Variants in CCDC160 observed in about 807,000 individuals in gnomAD.
CCDC160 encodes the protein coiled-coil domain-containing protein 160.
For synonymous variants in CCDC160, 94 were observed against 79.4 expected, an observed-to-expected ratio of 1.18 and a Z score of -0.98; for missense variants, 227 against 215.6, an observed-to-expected ratio of 1.05 and a Z score of -0.33.
intron 1 of CCDC160, among the ~76,000 whole-genome samples, 191 bp downstream of exon 1, chrX:134,237,534 G>T (rs971201063): frequency 1.8e-5 from 2 of 111,884 alleles, no homozygotes; most frequent in African/African-American, 6.5e-5. Flanking sequence ...GGACCAGGAC[G>T]TGGGAGTGGC....
intron 1 of CCDC160, among the ~76,000 whole-genome samples, 197 bp from the exon 3 acceptor site, chrX:134,244,580 G>A (rs1413031763): frequency 1.8e-5 from 2 of 112,015 alleles, no homozygotes; most frequent in African/African-American, 6.5e-5. Context: ...GGAAGCATCT[G>A]TAGAACTTAG....
intron 1 of CCDC160, among the ~76,000 whole-genome samples, chrX:134,240,147 G>A (rs2077022704): frequency 8.9e-6 from 1 of 111,874 alleles, no homozygotes; most frequent in African/African-American, 3.3e-5. Flanking sequence ...GTGTTTTTGT[G>A]TCTGGAAACA....
At chrX:134,241,756 T>C (rs755236330) in intron 1 of CCDC160, among the ~76,000 whole-genome samples, 4 of 111,861 alleles carry the variant, frequency 3.6e-5, no homozygotes, top group Non-Finnish European at 7.5e-5. Context: ...TAGGCACTTA[T>C]ATTAATAAAT....
chrX:134,245,419 A>G, exon 2 of CCDC160: 3 of 1,183,305 alleles, frequency 2.5e-6, no homozygotes, highest in Non-Finnish European at 3.4e-6. Flanking sequence ...TCAAGCTTTA[A>G]GAAATGACCT....
At chrX:134,237,271 C>G (rs1271040006) in exon 1 of CCDC160, 1 of 113,345 alleles carries the variant, frequency 8.8e-6, no homozygotes. Flanking sequence ...GAACGGGGGG[C>G]TGCCGCGCGC....
chrX:134,245,748 C>T lies in CCDC160; in HGVS notation c.948C>T (p.Ile316=), dbSNP rs751427720. 6.1e-6 allele frequency: 7 copies of T among 1,143,927 alleles called. No individual in the cohort carries two copies. The African/African-American group carries it at 1.3e-4, about 21-fold the overall frequency. 94.3% of individuals were successfully genotyped at this position (1,143,927 alleles called of 1,213,427 possible). ...CTTCAATGGTAACATCATCAAGTAT[C>T]CTTGACCACTTTACTGGGGATTTTT... The change falls in exon 2 of 2, where the codon ATC becomes ATT. Residue 316 remains isoleucine (I), a synonymous_variant. Coordinates refer to ENST00000370809, the Ensembl canonical transcript of CCDC160.
At chrX:134,245,392 A>G in exon 2 of CCDC160, 1 of 1,189,538 alleles carries the variant, frequency 8.4e-7, no homozygotes, top group Non-Finnish European at 1.1e-6. Context: ...GGATGCTTCA[A>G]AAAGTGACTA....
chrX:134,239,922 C>CA (rs1365018629), intron 1 of CCDC160, among the ~76,000 whole-genome samples: 1 of 112,268 alleles, frequency 8.9e-6, no homozygotes, highest in Non-Finnish European at 1.9e-5. Flanking sequence ...CCATAGTCCA[C>CA]ACTCAGTTCC....
At chrX:134,238,396 G>A (rs1417651237) in intron 1 of CCDC160, among the ~76,000 whole-genome samples, 13 of 92,879 alleles carry the variant, frequency 1.4e-4, no homozygotes, top group Non-Finnish European at 2.3e-4. Context: ...TTTTTGAGGC[G>A]GAGTCTTGCT....
chrX:134,245,623 C>T (rs746777916), exon 2 of CCDC160: 15 of 1,207,073 alleles, frequency 1.2e-5, no homozygotes, highest in Admixed American at 1.1e-4. Flanking sequence ...GGCAAAGATC[C>T]GCGGAGAGCT....
chrX:134,239,663 C>G (rs1381522349), intron 1 of CCDC160, among the ~76,000 whole-genome samples: 1 of 110,638 alleles, frequency 9.0e-6, no homozygotes. Context: ...GAGTACATAT[C>G]TCTGGAGAAA....
chrX:134,238,156 C>T (rs1173535666), intron 1 of CCDC160, among the ~76,000 whole-genome samples: 1 of 111,326 alleles, frequency 9.0e-6, no homozygotes, highest in East Asian at 2.8e-4. Flanking sequence ...AGGGTGGCTC[C>T]TTTGCTCAAT....
exon 2 of CCDC160, chrX:134,245,041 G>C (rs775341987): frequency 2.1e-5 from 25 of 1,178,928 alleles, no homozygotes; most frequent in Non-Finnish European, 1.1e-6. Flanking sequence ...AAATTTAAGA[G>C]AGAACAAGAG....
At position 134,244,820 on chromosome X, in the gene CCDC160, A is replaced by T. The variant is rs780818748; in HGVS notation, c.20A>T (p.His7Leu). ...GGAGAAATGGATGCTAGAAGAAAAC[A>T]CTGGAAGGAGAATATGTTTACTCCT... The change falls in exon 2 of 2, where the codon CAC (histidine) becomes CTC (leucine). Residue 7 changes from histidine to leucine, a missense_variant. Transcript: ENST00000370809. 22 of 1,168,995 alleles carry T rather than the reference A, an allele frequency of 1.9e-5. No homozygotes were observed. The highest frequency in any genetic ancestry group is 5.5e-5 in the Admixed American group (2 of 36,344).
At chrX:134,240,251 A>C (rs1175248811) in intron 1 of CCDC160, among the ~76,000 whole-genome samples, 3 of 112,418 alleles carry the variant, frequency 2.7e-5, no homozygotes, top group Non-Finnish European at 5.6e-5. Context: ...AAACCTAGTG[A>C]TTTCCTTTGT....
At chrX:134,238,145 C>T (rs1299351605) in intron 1 of CCDC160, among the ~76,000 whole-genome samples, 5 of 111,337 alleles carry the variant, frequency 4.5e-5, no homozygotes, top group Non-Finnish European at 7.5e-5. Flanking sequence ...AACAACAAGC[C>T]AGGGTGGCTC....
intron 1 of CCDC160, among the ~76,000 whole-genome samples, chrX:134,239,785 T>A (rs1019042875): frequency 3.6e-5 from 4 of 111,479 alleles, no homozygotes; most frequent in Non-Finnish European, 7.5e-5. Flanking sequence ...TCATTTCCAT[T>A]TTCATTCATT....
At chrX:134,246,793 T>C (rs1183107951), downstream of CCDC160, among the ~76,000 whole-genome samples, 1 of 112,350 alleles carries the variant, frequency 8.9e-6, no homozygotes, top group East Asian at 2.8e-4. Context: ...ATAGGAGCTC[T>C]ATTTGCATGG....
intron 1 of CCDC160, among the ~76,000 whole-genome samples, chrX:134,241,189 T>C (rs2077026550): frequency 8.9e-6 from 1 of 112,065 alleles, no homozygotes; most frequent in Admixed American, 9.5e-5. Flanking sequence ...TATTATTTTA[T>C]GGAGCTATTT....
Sources: allele counts gnomAD v4.1 joint callset (sites outside exome capture counted in the v4.1 genomes callset), GRCh38; gene constraint gnomAD v4.1.1; transcripts MANE v1.5; gene names NCBI Gene and HGNC (gene_info 2026-07-23, HGNC 2026-07-21).